CARD6: variants seen among roughly 807,000 people sequenced by gnomAD.
CARD6 encodes the protein caspase recruitment domain-containing protein 6.
In CARD6, 27 loss-of-function variants were observed where a neutral mutation model predicts 23.6. That is an observed-to-expected ratio of 1.14 (90% CI 0.84 to 1.58). The LOEUF (loss-of-function observed/expected upper bound fraction) is 1.58, where lower values mean the gene tolerates loss of function less well. Ranked by LOEUF, CARD6 falls within the 40% of genes most tolerant of loss-of-function variation. The pLI, the probability that CARD6 is intolerant of heterozygous loss-of-function variation, is 0.00. For synonymous variants in CARD6, 397 were observed against 431.8 expected (o/e 0.92, Z 1.00); for missense variants, 1,214 against 1,209.9 (o/e 1.00, Z -0.05).
chr5:40,853,884 A>G lies in CARD6; in HGVS notation c.2552A>G (p.His851Arg), dbSNP rs1746135082. The G allele has an allele frequency of 1.2e-6, 2 of 1,614,012 alleles. No individual in the cohort carries two copies. Among genetic ancestry groups the G allele is most frequent in the African/African-American group, 1.3e-5 (1 of 74,900 alleles). ...RSRAVASKIG[H>R]SYSLDSQPAR... is the part of the protein sequence containing the mutation. The stretch of plus-strand genomic sequence containing the variant: ...AGGGCAGTAGCCTCCAAGATAGGTC[A>G]CTCCTATTCCCTGGATTCACAGCCA... The change falls in exon 3 of 3, where the codon CAC becomes CGC. Residue 851 changes from histidine to arginine, a missense_variant. His to Arg is a conservative substitution (Grantham distance 29). Coordinates refer to ENST00000254691, the MANE Select transcript of CARD6 (RefSeq NM_032587.4).
In CARD6 at chr5:40,843,419, G is replaced by C. The variant is rs186662969; in HGVS notation, c.551G>C (p.Gly184Ala). 1 of 1,614,114 alleles carries C rather than the reference G, an allele frequency of 6.2e-7. No individual in the cohort carries two copies. ...VTLSYSVEKV[G>A]CEVPATITYI... ...TTATCATATTCAGTTGAGAAAGTTG[G>C]ATGTGAAGTTCCAGCAACTATTACA... is the stretch of plus-strand genomic sequence containing the variant. The change falls in exon 2 of 3, where the codon GGA becomes GCA. Residue 184 changes from glycine (G) to alanine (A), a missense_variant. Physicochemically the swap from Gly to Ala is moderately conservative, Grantham distance 60. Coordinates refer to ENST00000254691, the MANE Select transcript of CARD6 (RefSeq NM_032587.4).
intron 2 of CARD6, among the ~76,000 whole-genome samples, chr5:40,850,322 G>A (rs1746040557): frequency 6.8e-6 from 1 of 146,392 alleles, no homozygotes; most frequent in East Asian, 2.1e-4. Flanking sequence ...GCTGAGGCAG[G>A]AGAATCGCTT....
intron 2 of CARD6, among the ~76,000 whole-genome samples, chr5:40,848,283 C>T (rs1745998317): frequency 1.3e-5 from 2 of 148,448 alleles, no homozygotes; most frequent in Admixed American, 1.4e-4. Flanking sequence ...AATCTTGGCT[C>T]ACTGCAGCCT....
At position 40,854,432 on chromosome 5, in the gene CARD6, G is replaced by A. The variant is rs1426249035; in HGVS notation, c.3100G>A (p.Gly1034Arg). ...AHHSKAGQKR[G>R]GKH is the part of the protein sequence containing the mutation. Reference sequence around the variant, plus strand: ...CCACTCAAAAGCAGGGCAGAAGAGGGGAGGGAAGCATTAAAGAGCTAACTC... The same window carrying A: ...CCACTCAAAAGCAGGGCAGAAGAGGAGAGGGAAGCATTAAAGAGCTAACTC... The change falls in exon 3 of 3, where the codon GGA becomes AGA. Residue 1034 changes from glycine (G) to arginine (R), a missense_variant. Transcript: ENST00000254691. The A allele has an allele frequency of 1.2e-6, 2 of 1,613,174 alleles. No homozygotes were observed. The highest frequency in any genetic ancestry group is 8.5e-7 in the Non-Finnish European group (1 of 1,179,292).
chr5:40,852,761 C>T lies in CARD6; in HGVS notation c.1429C>T (p.Pro477Ser). ...KSRILNTLLSPAQLKLHKIFL... is the reference protein window; with the variant it reads ...KSRILNTLLSSAQLKLHKIFL... ...CAGAATCCTCAACACACTTCTCAGC[C>T]CTGCCCAGTTGAAATTACACAAAAT... is the stretch of plus-strand genomic sequence containing the variant. Residue 477 changes from proline (P) to serine (S), a missense_variant, in exon 3 of 3, where the codon CCT (proline) becomes TCT (serine). By Grantham distance (74) the Pro-to-Ser change is moderately conservative (BLOSUM62 -1). Transcript: ENST00000254691. 6.2e-7 allele frequency: 1 copy of T among 1,614,070 alleles called. No individual in the cohort carries two copies. Among genetic ancestry groups the T allele is most frequent in the Non-Finnish European group, 8.5e-7 (1 of 1,179,984 alleles).
chr5:40,853,893 C>T lies in CARD6; in HGVS notation c.2561C>T (p.Ser854Phe). 6.2e-7 allele frequency: 1 copy of T among 1,614,158 alleles called. No individual in the cohort carries two copies. The highest frequency in any genetic ancestry group is 8.5e-7 in the Non-Finnish European group (1 of 1,180,036). The change falls in exon 3 of 3, where the codon TCC becomes TTC. Residue 854 changes from serine (S) to phenylalanine (F), a missense_variant. Physicochemically the swap from Ser to Phe is radical, Grantham distance 155 (BLOSUM62 -2). Transcript: ENST00000254691. ...GCCTCCAAGATAGGTCACTCCTATT[C>T]CCTGGATTCACAGCCAGCAAGAGCA... Reference protein sequence around the residue: ...AVASKIGHSYSLDSQPARAVG... With the variant: ...AVASKIGHSYFLDSQPARAVG...
rs757377357 is a variant in CARD6 at position 40,854,000 on chromosome 5, C to G, written c.2668C>G (p.His890Asp). Residue 890 changes from histidine (H) to aspartate (D), a missense_variant, in exon 3 of 3, where the codon CAT becomes GAT. Coordinates refer to ENST00000254691, the MANE Select transcript of CARD6 (RefSeq NM_032587.4). ...AACTGGAAAACTGATAAGAACATCCCATATTGGAAAGCCTCACCCTCAGTC... is the reference window on the plus strand; with the variant it reads ...AACTGGAAAACTGATAAGAACATCCGATATTGGAAAGCCTCACCCTCAGTC... ...EATGKLIRTS[H>D]IGKPHPQSFQ... 6.2e-7 allele frequency: 1 copy of G among 1,614,162 alleles called. No homozygotes were observed. Among genetic ancestry groups the G allele is most frequent in the Non-Finnish European group, 8.5e-7 (1 of 1,180,028 alleles).
Position 40,854,443 on chromosome 5 carries a change from T to G in CARD6, c.3111T>G (p.His1037Gln). Reference protein sequence around the residue: ...SKAGQKRGGKH With the variant: ...SKAGQKRGGKQ ...CAGGGCAGAAGAGGGGAGGGAAGCA[T>G]TAAAGAGCTAACTCCAGAGATCTAT... The change falls in exon 3 of 3, where the codon CAT (histidine) becomes CAG (glutamine). Residue 1037 changes from histidine (H) to glutamine (Q), a missense_variant. His to Gln is a conservative substitution (Grantham distance 24). Coordinates refer to ENST00000254691, the MANE Select transcript of CARD6 (RefSeq NM_032587.4). 6.2e-7 allele frequency: 1 copy of G among 1,609,788 alleles called. No homozygotes were observed. The highest frequency in any genetic ancestry group is 8.5e-7 in the Non-Finnish European group (1 of 1,176,392).
intron 2 of CARD6, among the ~76,000 whole-genome samples, chr5:40,848,770 G>A (rs945278654): frequency 2.6e-5 from 4 of 152,004 alleles, no homozygotes; most frequent in African/African-American, 9.7e-5. Context: ...TCCATGGGTG[G>A]CAGCTGAAAT....
chr5:40,843,229 G>C lies in CARD6; in HGVS notation c.361G>C (p.Gly121Arg). 6.2e-7 allele frequency: 1 copy of C among 1,613,634 alleles called. No individual in the cohort carries two copies. Among genetic ancestry groups the C allele is most frequent in the South Asian group, 1.1e-5 (1 of 91,002 alleles). ...TAATTCAGAAGATGCTTTTTCTCCT[G>C]GAATAAAACAGCCTGAAGCCCCTGA... ...SSNSEDAFSPGIKQPEAPEIT... is the reference protein window; with the variant it reads ...SSNSEDAFSPRIKQPEAPEIT... The change falls in exon 2 of 3, where the codon GGA becomes CGA. Residue 121 changes from glycine to arginine, a missense_variant. Coordinates refer to ENST00000254691, the MANE Select transcript of CARD6 (RefSeq NM_032587.4).
chr5:40,851,418 A>G (rs1746064408), intron 2 of CARD6, among the ~76,000 whole-genome samples: 1 of 152,204 alleles, frequency 6.6e-6, no homozygotes, highest in Admixed American at 6.5e-5. Context: ...AAGGATGGGA[A>G]GCAAACATAC....
Position 40,854,206 on chromosome 5 carries a change from A to G in CARD6, c.2874A>G (p.Lys958=), listed in dbSNP as rs1746145634. 1 of 1,613,900 alleles carries G rather than the reference A, an allele frequency of 6.2e-7. No individual in the cohort carries two copies. Among genetic ancestry groups the G allele is most frequent in the Non-Finnish European group, 8.5e-7 (1 of 1,180,000 alleles). The part of the protein sequence containing the change: ...NPSTVKHSQP[K]PFHSVPSQPK... Reference sequence around the variant, plus strand: ...CCACAGTCAAACACTCCCAGCCTAAACCCTTCCATTCTGTGCCCTCTCAAC... The same window carrying G: ...CCACAGTCAAACACTCCCAGCCTAAGCCCTTCCATTCTGTGCCCTCTCAAC... The change falls in exon 3 of 3, where the codon AAA becomes AAG. Residue 958 remains lysine (K), a synonymous_variant. Transcript: ENST00000254691.
At chr5:40,842,314 TC>T (rs1385617376) in intron 1 of CARD6, among the ~76,000 whole-genome samples, 5 of 152,174 alleles carry the variant, frequency 3.3e-5, no homozygotes, top group Admixed American at 1.3e-4. Context: ...AAAAAAAAAT[TC>T]AAAATTATTT....
Position 40,843,025 on chromosome 5 carries a change from T to TG in CARD6, c.284-126dup, listed in dbSNP as rs1249890873. The TG allele has an allele frequency of 6.7e-5, 45 of 670,242 alleles. No individual in the cohort carries two copies. The East Asian group carries it at 1.2e-3, about 18-fold the overall frequency. 41.5% of individuals were successfully genotyped at this position (670,242 alleles called of 1,614,324 possible). A position where few individuals can be genotyped will look rare whatever the true frequency, so the allele number is the denominator to read the frequency against. Reference sequence around the variant, plus strand: ...TGCACTCCAGCCTCGGCAACAAGAGTGAAACTCTGTCTCAAAAAATAAATA... The same window carrying TG: ...TGCACTCCAGCCTCGGCAACAAGAGTGGAAACTCTGTCTCAAAAAATAAATA... On this transcript the variant is annotated intron_variant, in intron 1 of 2. Transcript: ENST00000254691.
chr5:40,850,249 C>A (rs1236144144), intron 2 of CARD6, among the ~76,000 whole-genome samples: 6 of 151,162 alleles, frequency 4.0e-5, no homozygotes, highest in Non-Finnish European at 7.4e-5. Flanking sequence ...CCTGTCTCTA[C>A]TAAAAATACA....
chr5:40,844,868 C>CT (rs761641223), intron 2 of CARD6, among the ~76,000 whole-genome samples: 6,546 of 134,476 alleles, frequency 0.049, 185 homozygotes, highest in Non-Finnish European at 0.067. Flanking sequence ...TTGCTTCCTT[C>CT]TTTTTTTTTT....
In CARD6 at chr5:40,854,424, A is replaced by G; in HGVS notation, c.3092A>G (p.Gln1031Arg). 6.2e-7 allele frequency: 1 copy of G among 1,613,836 alleles called. No homozygotes were observed. The highest frequency in any genetic ancestry group is 8.5e-7 in the Non-Finnish European group (1 of 1,179,766). Residue 1031 changes from glutamine to arginine, a missense_variant, in exon 3 of 3, where the codon CAG becomes CGG. Transcript: ENST00000254691. ...AAGGCACACCACTCAAAAGCAGGGC[A>G]GAAGAGGGGAGGGAAGCATTAAAGA... ...QAKAHHSKAGQKRGGKH is the reference protein window; with the variant it reads ...QAKAHHSKAGRKRGGKH
At position 40,853,336 on chromosome 5, in the gene CARD6, A is replaced by G; in HGVS notation, c.2004A>G (p.Gln668=). The change falls in exon 3 of 3, where the codon CAA becomes CAG. Residue 668 remains glutamine, a synonymous_variant. Coordinates refer to ENST00000254691, the MANE Select transcript of CARD6 (RefSeq NM_032587.4). ...DEDFENTQRI[Q]VSSGENMAGT... is the part of the protein sequence containing the mutation. ...ACTTTGAAAACACTCAGAGAATTCA[A>G]GTTTCCTCTGGAGAAAACATGGCTG... 1.2e-6 allele frequency: 2 copies of G among 1,614,142 alleles called. No individual in the cohort carries two copies. The highest frequency in any genetic ancestry group is 2.2e-5 in the East Asian group (1 of 44,882).
At position 40,854,247 on chromosome 5, in the gene CARD6, C is replaced by T. The variant is rs748465608; in HGVS notation, c.2915C>T (p.Thr972Ile). 1.9e-6 allele frequency: 3 copies of T among 1,614,048 alleles called. No homozygotes were observed. The highest frequency in any genetic ancestry group is 2.7e-5 in the African/African-American group (2 of 74,904). ...SVPSQPKSSQTKSCQSQPSQT... is the reference protein window; with the variant it reads ...SVPSQPKSSQIKSCQSQPSQT... ...CCCTCTCAACCTAAATCCTCTCAGA[C>T]AAAATCCTGTCAGTCCCAGCCCTCC... The change falls in exon 3 of 3, where the codon ACA (threonine) becomes ATA (isoleucine). Residue 972 changes from threonine (T) to isoleucine (I), a missense_variant. Physicochemically the swap from Thr to Ile is moderately conservative, Grantham distance 89. Coordinates refer to ENST00000254691, the MANE Select transcript of CARD6 (RefSeq NM_032587.4).
Sources: gnomAD v4.1 joint callset for allele counts (sites outside exome capture counted in the v4.1 genomes callset) on GRCh38, gnomAD v4.1.1 for gene constraint, MANE v1.5 for transcripts, NCBI Gene and HGNC (gene_info 2026-07-23, HGNC 2026-07-21) for gene names.